The following SLC39A9 variants were observed in gnomAD, a reference collection of about 807,000 sequenced individuals.
SLC39A9 encodes the protein zinc transporter ZIP9.
A neutral mutation model predicts 28.4 loss-of-function variants in SLC39A9; 14 were observed. The ratio of observed to expected loss-of-function variants is 0.49; its 90% confidence interval spans 0.33 to 0.77. The LOEUF is 0.77. SLC39A9 is among the 30% of genes least tolerant of loss of function. The pLI, the probability that SLC39A9 is intolerant of heterozygous loss-of-function variation, is 0.02. For missense variants in SLC39A9, 283 were observed against 381.1 expected, an observed-to-expected ratio of 0.74 and a Z score of 2.14; for synonymous variants, 119 against 149.6, an observed-to-expected ratio of 0.80 and a Z score of 1.49.
At chr14:69,413,342 C>T (rs976796497) in intron 1 of SLC39A9, among the ~76,000 whole-genome samples, 9 of 150,532 alleles carry the variant, frequency 6.0e-5, no homozygotes, top group East Asian at 1.9e-4. Context: ...GGCAACAGAG[C>T]GAGACTCCGT....
At chr14:69,401,588 T>C (rs1474471525) in intron 1 of SLC39A9, among the ~76,000 whole-genome samples, 7 of 152,232 alleles carry the variant, frequency 4.6e-5, no homozygotes, top group African/African-American at 4.8e-5. Context: ...TGAATGATTA[T>C]TGCAATATGC....
At chr14:69,398,431 T>A, upstream of SLC39A9, 1 of 684,416 alleles carries the variant, frequency 1.5e-6, no homozygotes. Flanking sequence ...GTTTCAGCCA[T>A]CTTCGATAAA....
At chr14:69,455,980 T>C (rs561484429) in intron 6 of SLC39A9, 114 bp downstream of exon 6, 4 of 1,293,424 alleles carry the variant, frequency 3.1e-6, no homozygotes, top group African/African-American at 1.5e-5. Context: ...AAGATAAAAT[T>C]AGGAGTAAAA....
intron 3 of SLC39A9, among the ~76,000 whole-genome samples, chr14:69,450,989 A>G (rs1885582726): frequency 6.6e-6 from 1 of 152,200 alleles, no homozygotes; most frequent in African/African-American, 2.4e-5. Flanking sequence ...AATTTATGCT[A>G]AACTGCAGTC....
At chr14:69,448,297 C>T (rs1302372562) in intron 3 of SLC39A9, among the ~76,000 whole-genome samples, 1 of 150,960 alleles carries the variant, frequency 6.6e-6, no homozygotes, top group Non-Finnish European at 1.5e-5. Context: ...AGTTTTAATC[C>T]AACCAAGCTA....
At chr14:69,412,209 G>A (rs1286233319) in intron 1 of SLC39A9, among the ~76,000 whole-genome samples, 1 of 151,458 alleles carries the variant, frequency 6.6e-6, no homozygotes, top group Non-Finnish European at 1.5e-5. Context: ...CTAACACGGT[G>A]AAATCCTATC....
chr14:69,438,879 G>A (rs1288854545), intron 2 of SLC39A9, among the ~76,000 whole-genome samples: 1 of 152,150 alleles, frequency 6.6e-6, no homozygotes, highest in East Asian at 1.9e-4. Flanking sequence ...GATTAACTGT[G>A]GCTTTTTCTG....
At chr14:69,410,839 T>A (rs75795359) in intron 1 of SLC39A9, among the ~76,000 whole-genome samples, 1 of 151,968 alleles carries the variant, frequency 6.6e-6, no homozygotes, top group Non-Finnish European at 1.5e-5. Flanking sequence ...TTTTTTTTTT[T>A]AGGAAGCTGT....
rs756926082 is a variant in SLC39A9 at position 69,454,878 on chromosome 14, T to C, written c.539T>C (p.Val180Ala). ...SQTSVQLIVF[V>A]AIMLHKAPAA... ...ACCAGTGTCCAGTTAATTGTGTTTG[T>C]GGCAATCATGCTACATAAGGTAAGC... The change falls in exon 5 of 7, where the codon GTG (valine) becomes GCG (alanine). Residue 180 changes from valine (V) to alanine (A), a missense_variant. By Grantham distance (64) the Val-to-Ala change is moderately conservative. Transcript: ENST00000336643. The C allele has an allele frequency of 6.2e-7, 1 of 1,614,026 alleles. No homozygotes were observed. The highest frequency in any genetic ancestry group is 8.5e-7 in the Non-Finnish European group (1 of 1,179,940).
At position 69,454,982 on chromosome 14, in the gene SLC39A9, G is replaced by A. The variant is rs1885791184; in HGVS notation, c.558+85G>A. ...TGGTCCTTAATGTTTTTCCTGGAAT[G>A]GGAACATTTTCTTCATTTCATAATT... On this transcript the variant is annotated intron_variant, in intron 5 of 6. Coordinates refer to ENST00000336643, the MANE Select transcript of SLC39A9 (RefSeq NM_018375.5). 5 of 995,140 alleles carry A rather than the reference G, an allele frequency of 5.0e-6. No homozygotes were observed. The South Asian group carries it at 7.7e-5, about 15-fold the overall frequency. 61.6% of individuals were successfully genotyped at this position (995,140 alleles called of 1,614,324 possible).
chr14:69,411,519 C>A (rs1883263721), intron 1 of SLC39A9, among the ~76,000 whole-genome samples: 1 of 152,158 alleles, frequency 6.6e-6, no homozygotes, highest in African/African-American at 2.4e-5. Context: ...TACTTCATTT[C>A]ACTGACAGAA....
At chr14:69,453,169 C>G (rs1594950706) in intron 3 of SLC39A9, 72 bp from the exon 4 acceptor site, 1 of 1,333,608 alleles carries the variant, frequency 7.5e-7, no homozygotes, top group Non-Finnish European at 1.1e-6. Flanking sequence ...GAAATTCTTT[C>G]ACCTCCAGAC....
intron 3 of SLC39A9, among the ~76,000 whole-genome samples, chr14:69,445,461 A>G (rs899167676): frequency 6.6e-6 from 1 of 152,254 alleles, no homozygotes; most frequent in African/African-American, 2.4e-5. Flanking sequence ...AAAATACAGT[A>G]TTAATACATA....
chr14:69,434,063 G>A (rs1156865909), intron 2 of SLC39A9, among the ~76,000 whole-genome samples: 2 of 150,260 alleles, frequency 1.3e-5, no homozygotes, highest in Admixed American at 1.3e-4. Flanking sequence ...GAGATTACAG[G>A]CATGTAATTC....
At chr14:69,421,190 C>T (rs1457405659) in intron 1 of SLC39A9, among the ~76,000 whole-genome samples, 2 of 152,122 alleles carry the variant, frequency 1.3e-5, no homozygotes, top group African/African-American at 2.4e-5. Context: ...TGTGGATGTC[C>T]TTTTTGTTGA....
intron 2 of SLC39A9, chr14:69,429,388 C>A (rs1884368934): frequency 1.3e-5 from 2 of 151,436 alleles, no homozygotes. Flanking sequence ...TTGCATGAAC[C>A]ATGTTTGGCT....
chr14:69,452,991 C>T (rs1485028910), intron 3 of SLC39A9, among the ~76,000 whole-genome samples: 1 of 152,152 alleles, frequency 6.6e-6, no homozygotes, highest in Non-Finnish European at 1.5e-5. Flanking sequence ...AGAGTTCCCT[C>T]TTAGCCACCT....
chr14:69,409,631 G>A (rs944229724), intron 1 of SLC39A9, among the ~76,000 whole-genome samples: 1 of 152,190 alleles, frequency 6.6e-6, no homozygotes, highest in African/African-American at 2.4e-5. Flanking sequence ...AGGGGACCCT[G>A]TGCCCTGCCT....
chr14:69,423,372 T>G (rs1357772018), intron 1 of SLC39A9, among the ~76,000 whole-genome samples: 1 of 152,200 alleles, frequency 6.6e-6, no homozygotes, highest in East Asian at 1.9e-4. Context: ...CAGGTTTGCA[T>G]TAGTAATAAG....
Sources: allele counts gnomAD v4.1 joint callset (sites outside exome capture counted in the v4.1 genomes callset), GRCh38; gene constraint gnomAD v4.1.1; transcripts MANE v1.5; gene names NCBI Gene and HGNC (gene_info 2026-07-23, HGNC 2026-07-21).